The following TRMU variants were observed in gnomAD, a reference collection of about 807,000 sequenced individuals.
The protein encoded by TRMU is tRNA mitochondrial 2-thiouridylase.
In TRMU, 49 loss-of-function variants were observed where a neutral mutation model predicts 46.9. The ratio of observed to expected loss-of-function variants is 1.05; its 90% CI spans 0.83 to 1.33. TRMU has a LOEUF of 1.33. Ranked by LOEUF, TRMU falls within the 40% of genes most tolerant of loss-of-function variation. The probability of loss-of-function intolerance (pLI) is 0.00; values close to 1 mark genes in which losing one functional copy is unlikely to be tolerated. For missense variants in TRMU, 572 were observed against 532.4 expected, an observed-to-expected ratio of 1.07 and a Z score of -0.73; for synonymous variants, 241 against 200.9, an observed-to-expected ratio of 1.20 and a Z score of -1.69.
Position 46,350,309 on chromosome 22 carries a change from C to T in TRMU, c.497C>T (p.Ala166Val). Residue 166 changes from alanine to valine, a missense_variant, in exon 5 of 11, where the codon GCA becomes GTA. Coordinates refer to ENST00000645190, the MANE Select transcript of TRMU (RefSeq NM_018006.5). The surrounding 1 kb of genome is among the most constrained non-coding windows in gnomAD (Gnocchi z 4.6). ...TTGGCAGCGGTAAAACTCCTCCAGG[C>T]AGCTGACAGCTTTAAAGACCAGACC... ...EVRNAVKLLQAADSFKDQTFF... is the reference protein window; with the variant it reads ...EVRNAVKLLQVADSFKDQTFF... 1 of 1,614,222 alleles carries T rather than the reference C, an allele frequency of 6.2e-7. No individual in the cohort carries two copies. The highest frequency in any genetic ancestry group is 8.5e-7 in the Non-Finnish European group (1 of 1,180,042).
chr22:46,344,479 C>T (rs2078200889), intron 3 of TRMU, among the ~76,000 whole-genome samples: 1 of 152,160 alleles, frequency 6.6e-6, no homozygotes, highest in African/African-American at 2.4e-5. Flanking sequence ...AGTGGTCAAG[C>T]GTGTGAGTTA....
intron 2 of TRMU, among the ~76,000 whole-genome samples, chr22:46,340,161 C>T (rs990557844): frequency 2.6e-5 from 4 of 152,108 alleles, no homozygotes; most frequent in African/African-American, 9.7e-5. Context: ...GGGGGCGGCC[C>T]TGGAATCTGC....
chr22:46,346,301 T>G, intron 3 of TRMU, 121 bp from the exon 4 acceptor site: 4 of 1,248,206 alleles, frequency 3.2e-6, no homozygotes, highest in Non-Finnish European at 4.3e-6. Context: ...CAGGGTGGAT[T>G]GTGCAGCCCC....
rs757319030 is a variant in TRMU at position 46,356,815 on chromosome 22, CCT to C, written c.1102-26_1102-25del. 4.7e-5 allele frequency: 75 copies of C among 1,611,886 alleles called. No individual in the cohort carries two copies. The East Asian group carries it at 1.1e-3, about 23-fold the overall frequency. On this transcript the variant is annotated intron_variant, in intron 10 of 10. Coordinates refer to ENST00000645190, the MANE Select transcript of TRMU (RefSeq NM_018006.5). Reference sequence around the variant, plus strand: ...CCCTCGGCTGGCTCCCTGTGGCACCCCTGATGCCAGGGTCTCTCCCCTACAGT... The same window carrying C: ...CCCTCGGCTGGCTCCCTGTGGCACCCGATGCCAGGGTCTCTCCCCTACAGT...
chr22:46,357,122 C>A lies in TRMU; in HGVS notation c.*116C>A. On this transcript the variant is annotated 3_prime_UTR_variant, in exon 11 of 11. Transcript: ENST00000645190. The stretch of plus-strand genomic sequence containing the variant: ...GCTGCCCAAAGCAGAGGAAGCCGGG[C>A]TGGCTGAGGGTCCGAAAAGCCTGCA... 6.8e-7 allele frequency: 1 copy of A among 1,470,912 alleles called. No homozygotes were observed. The highest frequency in any genetic ancestry group is 9.3e-7 in the Non-Finnish European group (1 of 1,079,452). 91.1% of individuals were successfully genotyped at this position (1,470,912 alleles called of 1,614,324 possible). A position where few individuals can be genotyped will look rare whatever the true frequency, so the allele number is the denominator to read the frequency against.
chr22:46,350,182 C>T lies in TRMU; in HGVS notation c.479-109C>T. On this transcript the variant is annotated intron_variant, in intron 4 of 10. Transcript: ENST00000645190. This position sits in a 1 kb window ranked among gnomAD's most constrained non-coding sequence, Gnocchi z 4.6. ...AGTTGCTATTGAGTGTTGATGTCTG[C>T]CTCTGACAGGCTAGGGGTAGTCTGT... 3 of 1,355,126 alleles carry T rather than the reference C, an allele frequency of 2.2e-6. No individual in the cohort carries two copies. The highest frequency in any genetic ancestry group is 3.1e-6 in the Non-Finnish European group (3 of 959,172). The allele number at this position is 1,355,126 out of a possible 1,614,324, so 83.9% of individuals were successfully genotyped here. A position where few individuals can be genotyped will look rare whatever the true frequency, so the allele number is the denominator to read the frequency against.
At position 46,336,851 on chromosome 22, in the gene TRMU, T is replaced by C. The variant is rs761410054; in HGVS notation, c.83-928T>C. Among the ~76,000 whole-genome samples the C allele has an allele frequency of 6.6e-6, 1 of 152,000 alleles. No homozygotes were observed. Among genetic ancestry groups the C allele is most frequent in the Admixed American group, 6.6e-5 (1 of 15,258 alleles). ...CAGCTGAGTCGAAAGAAGAGTAGGA[T>C]GTCACTAAGCAGAGACTTGGAGGTG... On this transcript the variant is annotated intron_variant, in intron 1 of 10. Transcript: ENST00000645190. The surrounding 1 kb of genome is among the most constrained non-coding windows in gnomAD (Gnocchi z 4.1).
At chr22:46,356,695 AGC>A (rs2078620324) in intron 10 of TRMU, 145 bp from the exon 11 acceptor site, 1 of 946,022 alleles carries the variant, frequency 1.1e-6, no homozygotes, top group African/African-American at 1.6e-5. Flanking sequence ...GTTCAGCAGC[AGC>A]AGCAGCAGCA....
intron 2 of TRMU, among the ~76,000 whole-genome samples, chr22:46,340,433 C>T (rs561454871): frequency 1.3e-5 from 2 of 152,282 alleles, no homozygotes; most frequent in Admixed American, 6.5e-5. Flanking sequence ...TCAGAACGTA[C>T]GAGTGGATGC....
At position 46,351,609 on chromosome 22, in the gene TRMU, A is replaced by C; in HGVS notation, c.652-512A>C. ...GCAGGGATGGAAGGGCAGTCTTGAG[A>C]GACACAAACCAGAGTAAACGATGCA... On this transcript the variant is annotated intron_variant, in intron 5 of 10. Coordinates refer to ENST00000645190, the MANE Select transcript of TRMU (RefSeq NM_018006.5). This position sits in a 1 kb window ranked among gnomAD's most constrained non-coding sequence, Gnocchi z 6.4. 1 of 218,908 alleles carries C rather than the reference A, an allele frequency of 4.6e-6. No homozygotes were observed. 13.6% of individuals were successfully genotyped at this position (218,908 alleles called of 1,614,324 possible). A position where few individuals can be genotyped will look rare whatever the true frequency, so the allele number is the denominator to read the frequency against.
intron 2 of TRMU, among the ~76,000 whole-genome samples, chr22:46,340,039 G>C (rs2078080648): frequency 6.6e-6 from 1 of 152,110 alleles, no homozygotes; most frequent in African/African-American, 2.4e-5. Context: ...TGGACTTCAT[G>C]GGGAGGGAGT....
At chr22:46,336,000 G>A in intron 1 of TRMU, 154 bp downstream of exon 1, 1 of 1,452,604 alleles carries the variant, frequency 6.9e-7, no homozygotes, top group Non-Finnish European at 9.1e-7. Flanking sequence ...ACTTTGGTTC[G>A]GAGGCTCCTC....
chr22:46,356,070 C>T lies in TRMU; in HGVS notation c.1099C>T (p.Gln367Ter). The T allele has an allele frequency of 4.3e-6, 7 of 1,613,916 alleles. No homozygotes were observed. In the South Asian group the frequency reaches 7.7e-5, roughly 18 times the overall value. The stretch of plus-strand genomic sequence containing the variant: ...GGCTGTGCGTGCCCTTGCCACAGGA[C>T]AGGTGCGTGGGGTGTGGGGGTGAGC... Reference protein sequence around the residue: ...VQAVRALATGQFAVFYKGDEC... With the variant: ...VQAVRALATG The change falls in exon 10 of 11, where the codon CAG (glutamine) becomes TAG (stop). Residue 367 changes from glutamine (Q) to a stop codon, truncating the protein, a stop_gained and splice_region_variant. Coordinates refer to ENST00000645190, the MANE Select transcript of TRMU (RefSeq NM_018006.5). LOFTEE classifies it low-confidence loss of function (END_TRUNC).
chr22:46,340,418 C>T (rs2078091442), intron 2 of TRMU, among the ~76,000 whole-genome samples: 1 of 152,182 alleles, frequency 6.6e-6, no homozygotes, highest in African/African-American at 2.4e-5. Context: ...GCCAGCACAG[C>T]TTTTTCAGAA....
intron 2 of TRMU, 62 bp from the exon 3 acceptor site, chr22:46,343,200 T>C: frequency 2.8e-6 from 1 of 351,090 alleles, no homozygotes; most frequent in Non-Finnish European, 4.5e-6. Context: ...TTTAGTGAAC[T>C]TTTTTTTTTT....
intron 8 of TRMU, chr22:46,355,121 A>C: frequency 2.1e-6 from 1 of 475,270 alleles, no homozygotes; most frequent in Non-Finnish European, 3.8e-6. Flanking sequence ...CTGCTGCCCC[A>C]CAGGTGGTTG....
In TRMU at chr22:46,351,943, C is replaced by A; in HGVS notation, c.652-178C>A. On this transcript the variant is annotated intron_variant, in intron 5 of 10. Transcript: ENST00000645190. The surrounding 1 kb of genome is among the most constrained non-coding windows in gnomAD (Gnocchi z 6.4). ...AATGAGGCGTTCTCTAAGGCTCTGG[C>A]ATCGTGTGCGCCGGCTGTGACTGGC... is the stretch of plus-strand genomic sequence containing the variant. 1 of 761,246 alleles carries A rather than the reference C, an allele frequency of 1.3e-6. No individual in the cohort carries two copies. The highest frequency in any genetic ancestry group is 2.4e-6 in the Non-Finnish European group (1 of 422,688). The allele number at this position is 761,246 out of a possible 1,614,324, so 47.2% of individuals were successfully genotyped here.
Position 46,342,903 on chromosome 22 carries a change from A to G in TRMU, c.249-359A>G, listed in dbSNP as rs1280620441. 6.6e-6 allele frequency among the ~76,000 whole-genome samples: 1 copy of G among 152,256 alleles called. No individual in the cohort carries two copies. Among genetic ancestry groups the G allele is most frequent in the Non-Finnish European group, 1.5e-5 (1 of 68,048 alleles). Reference sequence around the variant, plus strand: ...GGGAAGTCTAAAGGATTTCATTTCCACTGTCACTCAGGCATCTTCTCTTCC... The same window carrying G: ...GGGAAGTCTAAAGGATTTCATTTCCGCTGTCACTCAGGCATCTTCTCTTCC... On this transcript the variant is annotated intron_variant, in intron 2 of 10. Transcript: ENST00000645190. This position sits in a 1 kb window ranked among gnomAD's most constrained non-coding sequence, Gnocchi z 4.7.
rs2078285692 is a variant in TRMU, at chr22:46,347,306, G to A, written c.478+762G>A. On this transcript the variant is annotated intron_variant, in intron 4 of 10. Transcript: ENST00000645190. This position sits in a 1 kb window ranked among gnomAD's most constrained non-coding sequence, Gnocchi z 5.0. ...CATCTGGGGAATAGGGGTCTCTGGG[G>A]CTGGGGCAGGGCTTTACATACACAC... 6.6e-6 allele frequency: 1 copy of A among 152,136 alleles called. No homozygotes were observed. Among genetic ancestry groups the A allele is most frequent in the African/African-American group, 2.4e-5 (1 of 41,418 alleles). The allele number at this position is 152,136 out of a possible 1,614,324, so 9.4% of individuals were successfully genotyped here.
Sources: gnomAD v4.1 joint callset for allele counts (sites outside exome capture counted in the v4.1 genomes callset) on GRCh38, gnomAD v4.1.1 for gene constraint, Gnocchi (gnomAD v3.1) non-coding constraint, MANE v1.5 for transcripts, NCBI Gene and HGNC (gene_info 2026-07-23, HGNC 2026-07-21) for gene names.